DAPK2: variants seen among roughly 807,000 people sequenced by gnomAD.
The protein encoded by DAPK2 is death associated protein kinase 2, also known as death-associated protein kinase 2.
Under a neutral mutation model 44.1 loss-of-function variants are expected in DAPK2, and 35 were observed. That is an observed-to-expected ratio of 0.79 (90% CI 0.61 to 1.05). DAPK2 has a LOEUF of 1.05. Among genes scored for constraint, DAPK2 ranks in the 50% least tolerant of loss-of-function variants. The pLI is 0.00. For missense variants in DAPK2, 453 were observed against 483.2 expected (o/e 0.94, Z 0.59); for synonymous variants, 174 against 182.6 (o/e 0.95, Z 0.38).
Position 63,908,622 on chromosome 15 carries a change from A to G in DAPK2, c.1033-22T>C. ...TCCTCTGGAGAAAAAAAAGAGAAAG[A>G]GGTCCAGGGCAGGAGGATCATGAGA... On this transcript the variant is annotated intron_variant, in intron 10 of 10. Transcript: ENST00000261891. The surrounding 1 kb of genome is among the most constrained non-coding windows in gnomAD (Gnocchi z 5.7). 6.4e-7 allele frequency: 1 copy of G among 1,570,598 alleles called. No homozygotes were observed. Among genetic ancestry groups the G allele is most frequent in the African/African-American group, 1.3e-5 (1 of 74,408 alleles).
intron 3 of DAPK2, among the ~76,000 whole-genome samples, chr15:63,940,012 G>A (rs2077265506): frequency 1.3e-5 from 2 of 152,194 alleles, no homozygotes; most frequent in Admixed American, 6.5e-5. Context: ...CAGCTGCCAG[G>A]TCTGACACAA....
chr15:63,921,366 T>A (rs117881298), intron 8 of DAPK2: 3 of 152,270 alleles, frequency 2.0e-5, no homozygotes, highest in Non-Finnish European at 4.4e-5. Flanking sequence ...ATCCTCTCCC[T>A]GTTTCCTCAG....
intron 1 of DAPK2, among the ~76,000 whole-genome samples, chr15:64,037,921 T>C (rs2080252579): frequency 1.3e-5 from 2 of 152,122 alleles, no homozygotes; most frequent in African/African-American, 4.8e-5. Context: ...ATTAGCACTT[T>C]AGAAGAGTAG....
intron 3 of DAPK2, among the ~76,000 whole-genome samples, chr15:63,955,708 C>T (rs778712994): frequency 1.3e-5 from 2 of 152,046 alleles, no homozygotes; most frequent in African/African-American, 2.4e-5. Flanking sequence ...ACTGGGACTA[C>T]AGGCATGCAC....
intron 8 of DAPK2, chr15:63,922,705 TGG>T (rs34017605): frequency 6.8e-5 from 101 of 1,491,190 alleles, no homozygotes; most frequent in Non-Finnish European, 8.8e-5. Context: ...GCAAACCTCT[TGG>T]GATGCATCAC....
chr15:63,943,216 G>T (rs2077362383), intron 3 of DAPK2, among the ~76,000 whole-genome samples: 1 of 151,804 alleles, frequency 6.6e-6, no homozygotes, highest in Non-Finnish European at 1.5e-5. Flanking sequence ...TTAAGCCCAG[G>T]AGTTCAAGAC....
intron 3 of DAPK2, among the ~76,000 whole-genome samples, chr15:63,963,823 G>C (rs529436603): frequency 6.6e-6 from 1 of 152,256 alleles, no homozygotes; most frequent in South Asian, 2.1e-4. Flanking sequence ...AAGCTAACAA[G>C]CAAAGAGAAA....
intron 4 of DAPK2, among the ~76,000 whole-genome samples, chr15:63,937,596 C>T (rs1374296993): frequency 2.0e-5 from 3 of 152,110 alleles, no homozygotes; most frequent in Non-Finnish European, 4.4e-5. Context: ...TCTTCAGAGA[C>T]CTCTCCCACT....
chr15:64,028,538 T>C (rs1328074409), intron 1 of DAPK2, among the ~76,000 whole-genome samples: 1 of 152,046 alleles, frequency 6.6e-6, no homozygotes, highest in Non-Finnish European at 1.5e-5. Context: ...AATAAGAAAA[T>C]TGACAAAATT....
rs1292932803 is a variant in DAPK2, at chr15:63,908,813, C to G, written c.1033-213G>C. The G allele has an allele frequency of 2.5e-6, 1 of 405,914 alleles. No homozygotes were observed. The highest frequency in any genetic ancestry group is 2.1e-5 in the African/African-American group (1 of 48,208). 25.1% of individuals were successfully genotyped at this position (405,914 alleles called of 1,614,324 possible). ...GACCAACTGCTTGGAGGAAGGAAAG[C>G]AGCAGGGCATCTAAGGGAAACCAGA... On this transcript the variant is annotated intron_variant, in intron 10 of 10. Coordinates refer to ENST00000261891, the Ensembl canonical transcript of DAPK2. The surrounding 1 kb of genome is among the most constrained non-coding windows in gnomAD (Gnocchi z 5.7).
intron 2 of DAPK2, among the ~76,000 whole-genome samples, chr15:63,981,045 G>A (rs538772913): frequency 9.3e-5 from 14 of 150,122 alleles, no homozygotes; most frequent in African/African-American, 1.5e-4. Context: ...AGCCAGGATC[G>A]CGTCATTGCA....
Position 63,990,082 on chromosome 15 carries a change from T to G in DAPK2, c.93-6328A>C, listed in dbSNP as rs1339020452. ...CGCACTGCCACCCACCCTCACCCTC[T>G]GTGGTAAGCCACAGCCAACCAGACT... On this transcript the variant is annotated intron_variant, in intron 1 of 10. Coordinates refer to ENST00000261891, the Ensembl canonical transcript of DAPK2. This position sits in a 1 kb window ranked among gnomAD's most constrained non-coding sequence, Gnocchi z 4.3. Among the ~76,000 whole-genome samples, 1 of 152,146 alleles carries G rather than the reference T, an allele frequency of 6.6e-6. No individual in the cohort carries two copies. Among genetic ancestry groups the G allele is most frequent in the Non-Finnish European group, 1.5e-5 (1 of 68,020 alleles).
intron 3 of DAPK2, among the ~76,000 whole-genome samples, chr15:63,956,735 C>T (rs888306636): frequency 1.3e-5 from 2 of 152,090 alleles, no homozygotes; most frequent in African/African-American, 4.8e-5. Context: ...TACAGGCACC[C>T]ACCACCACAC....
chr15:64,011,681 A>G (rs1182377014), intron 1 of DAPK2, among the ~76,000 whole-genome samples: 1 of 152,222 alleles, frequency 6.6e-6, no homozygotes, highest in African/African-American at 2.4e-5. Context: ...TGGATAGTAC[A>G]ACTGAGAAAC....
intron 5 of DAPK2, 93 bp from the exon 7 acceptor site, chr15:63,929,670 T>G: frequency 1.3e-6 from 2 of 1,491,320 alleles, no homozygotes; most frequent in Non-Finnish European, 1.9e-6. Flanking sequence ...AAGAGGTCAC[T>G]TGCCTCCTCC....
chr15:63,948,270 C>CAAAAAAAAAAAAAAA lies in DAPK2; in HGVS notation c.454-8924_454-8910dup, dbSNP rs3056984. ...TGCATGATGGAGTGAGACTCCATCTCAAAAAAAAAAAAAAAAAAAAAAAAA... is the reference window on the plus strand; with the variant it reads ...TGCATGATGGAGTGAGACTCCATCTCAAAAAAAAAAAAAAAAAAAAAAAAAAAAAAAAAAAAAAAA... On this transcript the variant is annotated intron_variant, in intron 3 of 10. Transcript: ENST00000261891. Among the ~76,000 whole-genome samples, 8 of 51,916 alleles carry CAAAAAAAAAAAAAAA rather than the reference C, an allele frequency of 1.5e-4. 1 individual carries two copies. The highest frequency in any genetic ancestry group is 2.5e-4 in the Non-Finnish European group (8 of 32,052). 34.1% of individuals were successfully genotyped at this position (51,916 alleles called of 152,430 possible). A position where few individuals can be genotyped will look rare whatever the true frequency, so the allele number is the denominator to read the frequency against.
chr15:63,923,074 C>T lies in DAPK2; in HGVS notation c.858+1742G>A, dbSNP rs1237451428. On this transcript the variant is annotated intron_variant, in intron 8 of 10. Transcript: ENST00000261891. The surrounding 1 kb of genome is among the most constrained non-coding windows in gnomAD (Gnocchi z 4.2). ...GGTCATGCCGGGCGCTCTCATTCTC[C>T]TCTCGGTACCAAGCTTCCTTCTCAT... The T allele has an allele frequency of 6.5e-7, 1 of 1,535,756 alleles. No individual in the cohort carries two copies. Among genetic ancestry groups the T allele is most frequent in the African/African-American group, 1.4e-5 (1 of 73,010 alleles).
intron 1 of DAPK2, among the ~76,000 whole-genome samples, chr15:64,017,306 T>C (rs908416083): frequency 6.6e-6 from 1 of 152,212 alleles, no homozygotes; most frequent in African/African-American, 2.4e-5. Context: ...CAGCTAATAG[T>C]GTCTATCTAC....
At chr15:63,911,839 A>C in intron 10 of DAPK2, 69 bp downstream of exon 11, 1 of 1,497,752 alleles carries the variant, frequency 6.7e-7, no homozygotes, top group Non-Finnish European at 9.2e-7. Context: ...GGGGAAAGGG[A>C]ACTCACCCAT....
Sources: gnomAD v4.1 joint callset for allele counts (sites outside exome capture counted in the v4.1 genomes callset) on GRCh38, gnomAD v4.1.1 for gene constraint, Gnocchi (gnomAD v3.1) non-coding constraint, MANE v1.5 for transcripts, NCBI Gene and HGNC (gene_info 2026-07-23, HGNC 2026-07-21) for gene names.